RAD52: variants seen among roughly 807,000 people sequenced by gnomAD.
RAD52 encodes RAD52 DNA repair protein.
Under a neutral mutation model 55.5 loss-of-function variants are expected in RAD52, and 47 were observed. That is an observed-to-expected ratio of 0.85 (90% CI 0.67 to 1.08). The LOEUF is 1.08. Ranked by LOEUF, RAD52 falls within the 50% of genes least tolerant of loss-of-function variation. The pLI is 0.00. For synonymous variants in RAD52, 184 were observed against 198.9 expected, an observed-to-expected ratio of 0.92 and a Z score of 0.63; for missense variants, 468 against 522.8, an observed-to-expected ratio of 0.90 and a Z score of 1.02.
At chr12:948,293 C>T (rs1233521227) in intron 1 of RAD52, among the ~76,000 whole-genome samples, 1 of 152,040 alleles carries the variant, frequency 6.6e-6, no homozygotes, top group Non-Finnish European at 1.5e-5. Context: ...TGGGTGTCTG[C>T]TAATGGTTTT....
At chr12:914,625 A>G in intron 9 of RAD52, 93 bp from the exon 10 acceptor site, 1 of 1,480,182 alleles carries the variant, frequency 6.8e-7, no homozygotes, top group Non-Finnish European at 9.2e-7. Context: ...GTTAGAGGGA[A>G]CACTCTCCGA....
chr12:942,848 A>G (rs1466696667), intron 1 of RAD52, among the ~76,000 whole-genome samples: 1 of 152,266 alleles, frequency 6.6e-6, no homozygotes, highest in East Asian at 1.9e-4. Context: ...ACTATAAAAG[A>G]AAATATAAGA....
At chr12:917,174 C>T (rs1956439902) in intron 7 of RAD52, among the ~76,000 whole-genome samples, 1 of 152,210 alleles carries the variant, frequency 6.6e-6, no homozygotes, top group South Asian at 2.1e-4. Flanking sequence ...CCAACCCTTT[C>T]TGCCAGGGCC....
chr12:925,849 TC>T (rs918003785), intron 6 of RAD52, among the ~76,000 whole-genome samples: 1 of 151,664 alleles, frequency 6.6e-6, no homozygotes, highest in African/African-American at 2.4e-5. Context: ...TTCTTTTTTT[TC>T]CCCCCAAAGG....
At position 913,230 on chromosome 12, in the gene RAD52, G is replaced by T; in HGVS notation, c.*161C>A. On this transcript the variant is annotated 3_prime_UTR_variant, in exon 12 of 12. Coordinates refer to ENST00000358495, the MANE Select transcript of RAD52 (RefSeq NM_134424.4). Reference sequence around the variant, plus strand: ...TTTTCAAAAGTGCTCAGCTCTAACTGCAGTGGGCTCTCAGTCAGATCCTCT... The same window carrying T: ...TTTTCAAAAGTGCTCAGCTCTAACTTCAGTGGGCTCTCAGTCAGATCCTCT... The T allele has an allele frequency of 1.5e-6, 1 of 670,306 alleles. No homozygotes were observed. The highest frequency in any genetic ancestry group is 2.6e-6 in the Non-Finnish European group (1 of 381,636). 41.5% of individuals were successfully genotyped at this position (670,306 alleles called of 1,614,324 possible).
At chr12:972,605 A>G (rs2154121358) in intron 1 of RAD52, among the ~76,000 whole-genome samples, 1 of 152,088 alleles carries the variant, frequency 6.6e-6, no homozygotes, top group African/African-American at 2.4e-5. Context: ...TCTCTACTAA[A>G]TATACAAAAA....
chr12:916,760 C>A lies in RAD52; in HGVS notation c.604G>T (p.Glu202Ter). 6.2e-7 allele frequency: 1 copy of A among 1,614,166 alleles called. No homozygotes were observed. ...GGTCGGCAGCTGTTGTATCTTGCCT[C>A]CTCCACAGACGGTTCAAGATCTTGT... ...KRQDLEPSVEEARYNSCRPNM... is the reference protein window; with the variant it reads ...KRQDLEPSVE The change falls in exon 8 of 12, where the codon GAG becomes TAG. Residue 202 changes from glutamate to a stop codon, truncating the protein, a stop_gained. Transcript: ENST00000358495. LOFTEE classifies it high-confidence loss of function.
At chr12:939,147 G>C (rs1445747294) in intron 1 of RAD52, among the ~76,000 whole-genome samples, 1 of 151,132 alleles carries the variant, frequency 6.6e-6, no homozygotes, top group Non-Finnish European at 1.5e-5. Flanking sequence ...CTAGGTGAAG[G>C]ATATGCAGAC....
intron 7 of RAD52, among the ~76,000 whole-genome samples, chr12:923,899 TA>T (rs759482553): frequency 1.4e-5 from 2 of 144,402 alleles, no homozygotes; most frequent in East Asian, 4.3e-4. Flanking sequence ...CTACTAAAAA[TA>T]AAAAAATTAG....
chr12:956,381 G>A (rs1030450085), intron 1 of RAD52, among the ~76,000 whole-genome samples: 16 of 152,148 alleles, frequency 1.1e-4, no homozygotes, highest in African/African-American at 3.9e-4. Context: ...AAGGGGCCCT[G>A]TTTTATTATT....
chr12:961,706 CA>C (rs1259001832), intron 1 of RAD52, among the ~76,000 whole-genome samples: 1 of 151,468 alleles, frequency 6.6e-6, no homozygotes, highest in Non-Finnish European at 1.5e-5. Flanking sequence ...ACTAAAAATA[CA>C]AAAAAATTAG....
At chr12:958,690 G>A (rs1180515276) in intron 1 of RAD52, among the ~76,000 whole-genome samples, 1 of 152,230 alleles carries the variant, frequency 6.6e-6, no homozygotes, top group Non-Finnish European at 1.5e-5. Context: ...AGGCAATGAA[G>A]TGTCTGGCAG....
At chr12:933,125 A>G (rs1592385858) in intron 1 of RAD52, 49 bp from the exon 2 acceptor site, 1 of 1,350,390 alleles carries the variant, frequency 7.4e-7, no homozygotes, top group East Asian at 2.3e-5. Flanking sequence ...AAGAATGTTT[A>G]AAGTAAAAGG....
chr12:914,233 T>G, intron 10 of RAD52, 112 bp from the exon 11 acceptor site: 1 of 1,299,098 alleles, frequency 7.7e-7, no homozygotes, highest in Non-Finnish European at 1.0e-6. Flanking sequence ...TTCTGAAAGT[T>G]TTTGGAATTT....
upstream of RAD52, among the ~76,000 whole-genome samples, chr12:949,908 C>G (rs1958475602): frequency 6.6e-6 from 1 of 152,198 alleles, no homozygotes; most frequent in African/African-American, 2.4e-5. Context: ...CCCTGCGCGC[C>G]CTCTGCCTCC....
intron 5 of RAD52, among the ~76,000 whole-genome samples, chr12:927,732 G>T (rs1466955283): frequency 6.6e-6 from 1 of 152,112 alleles, no homozygotes; most frequent in East Asian, 1.9e-4. Context: ...CGGGTGTGGT[G>T]GTGGGCACCT....
intron 1 of RAD52, among the ~76,000 whole-genome samples, chr12:980,044 C>T (rs183576738): frequency 7.9e-5 from 12 of 152,018 alleles, no homozygotes; most frequent in African/African-American, 2.7e-4. Flanking sequence ...CGAAAATTTG[C>T]TGGGCGTGGT....
At chr12:917,695 AT>A (rs1189138995) in intron 7 of RAD52, among the ~76,000 whole-genome samples, 1 of 144,356 alleles carries the variant, frequency 6.9e-6, no homozygotes, top group Non-Finnish European at 1.5e-5. Context: ...CCTGGCCAAA[AT>A]GGCAAAAATA....
At chr12:945,711 C>T (rs1040072404) in intron 1 of RAD52, among the ~76,000 whole-genome samples, 5 of 149,118 alleles carry the variant, frequency 3.4e-5, no homozygotes, top group African/African-American at 9.8e-5. Flanking sequence ...GCTGGGATTA[C>T]AGGCATAAGC....
Sources: gnomAD v4.1 joint callset for allele counts (sites outside exome capture counted in the v4.1 genomes callset) on GRCh38, gnomAD v4.1.1 for gene constraint, MANE v1.5 for transcripts, NCBI Gene and HGNC (gene_info 2026-07-23, HGNC 2026-07-21) for gene names.